TSPAN18: variants seen among roughly 807,000 people sequenced by gnomAD.
TSPAN18 encodes the protein tetraspanin-18.
A neutral mutation model predicts 27.3 loss-of-function variants in TSPAN18; 14 were observed. The observed-to-expected ratio is 0.51, with a 90% CI of 0.34 to 0.80. TSPAN18 has a LOEUF of 0.80. TSPAN18 is among the 30% of genes least tolerant of loss of function. TSPAN18 has a pLI of 0.01. For synonymous variants in TSPAN18, 143 were observed against 136.5 expected, an observed-to-expected ratio of 1.05 and a Z score of -0.33; for missense variants, 268 against 323.9, an observed-to-expected ratio of 0.83 and a Z score of 1.32.
chr11:44,896,572 G>T (rs750453925), intron 3 of TSPAN18, among the ~76,000 whole-genome samples: 1 of 152,092 alleles, frequency 6.6e-6, no homozygotes, highest in Non-Finnish European at 1.5e-5. Context: ...GCCAGCTCCC[G>T]GGGCTGTGGC....
In TSPAN18 at chr11:44,766,855, G is replaced by T. The variant is rs77676951; in HGVS notation, c.-153+2343G>T. On this transcript the variant is annotated intron_variant, in intron 2 of 9. Coordinates refer to ENST00000520358, the MANE Select transcript of TSPAN18 (RefSeq NM_130783.5). ...AGCTCTGCCCTTCAGTAGCTGTTTG[G>T]CTTGGGGGTGAGTGACTTGATCCCC... 4.4e-3 allele frequency among the ~76,000 whole-genome samples: 667 copies of T among 152,326 alleles called. 3 individuals carry two copies. Among genetic ancestry groups the T allele is most frequent in the Non-Finnish European group, 6.1e-3 (417 of 68,032 alleles).
At chr11:44,880,823 C>T (rs568667799) in intron 3 of TSPAN18, among the ~76,000 whole-genome samples, 39 of 152,350 alleles carry the variant, frequency 2.6e-4, no homozygotes, top group Admixed American at 2.4e-3. Context: ...CTGATTCCTC[C>T]GTGAGAGCCC....
At chr11:44,779,526 A>G (rs1439574911) in intron 2 of TSPAN18, among the ~76,000 whole-genome samples, 1 of 152,130 alleles carries the variant, frequency 6.6e-6, no homozygotes, top group Non-Finnish European at 1.5e-5. Context: ...GGTGAAATTC[A>G]TCAATCTCAT....
intron 2 of TSPAN18, among the ~76,000 whole-genome samples, chr11:44,804,353 A>T (rs571338698): frequency 6.6e-6 from 1 of 152,332 alleles, no homozygotes; most frequent in South Asian, 2.1e-4. Flanking sequence ...GGCCTCCCAA[A>T]GTGCTGGGAT....
intron 2 of TSPAN18, among the ~76,000 whole-genome samples, chr11:44,777,580 A>G (rs1172352441): frequency 1.3e-5 from 2 of 152,196 alleles, no homozygotes; most frequent in Non-Finnish European, 2.9e-5. Flanking sequence ...GCCCCTGGGT[A>G]GGGCTGGTTT....
In TSPAN18 at chr11:44,828,527, C is replaced by T. The variant is rs375953605; in HGVS notation, c.-152-31801C>T. Among the ~76,000 whole-genome samples the T allele has an allele frequency of 3.5e-4, 53 of 152,256 alleles. 2 individuals carry two copies. The South Asian group carries it at 9.3e-3, about 27-fold the overall frequency. On this transcript the variant is annotated intron_variant, in intron 2 of 9. Transcript: ENST00000520358. ...GCCATAAGCACTGCGGCAGGGGCCC[C>T]GGAAAGGTGGTCTGAGCTGAATGCA...
chr11:44,836,023 T>C lies in TSPAN18; in HGVS notation c.-152-24305T>C, dbSNP rs148854596. Among the ~76,000 whole-genome samples the C allele has an allele frequency of 1.5e-3, 229 of 152,276 alleles. 2 individuals are homozygous for C. Among genetic ancestry groups the C allele is most frequent in the African/African-American group, 5.3e-3 (220 of 41,540 alleles). On this transcript the variant is annotated intron_variant, in intron 2 of 9. Transcript: ENST00000520358. ...CTCTCCCTCTCCTTGGGCCTTCCTA[T>C]TTCCAACTACATAACAATATTGAAA... is the stretch of plus-strand genomic sequence containing the variant.
intron 2 of TSPAN18, among the ~76,000 whole-genome samples, chr11:44,814,462 C>T (rs1408811450): frequency 6.6e-6 from 1 of 152,156 alleles, no homozygotes; most frequent in African/African-American, 2.4e-5. Context: ...TTTCCAGCCA[C>T]ATGGTTTGAA....
At chr11:44,796,624 C>T (rs942879344) in intron 2 of TSPAN18, among the ~76,000 whole-genome samples, 2 of 152,094 alleles carry the variant, frequency 1.3e-5, no homozygotes, top group Non-Finnish European at 2.9e-5. Flanking sequence ...GACTACAGGT[C>T]TCCCCCTATC....
chr11:44,875,805 G>C (rs972287545), intron 3 of TSPAN18, among the ~76,000 whole-genome samples: 5 of 152,204 alleles, frequency 3.3e-5, no homozygotes. Flanking sequence ...AGATGAGCTA[G>C]GATTTATATA....
At chr11:44,832,852 A>G (rs558316677) in intron 2 of TSPAN18, among the ~76,000 whole-genome samples, 1 of 152,216 alleles carries the variant, frequency 6.6e-6, no homozygotes, top group South Asian at 2.1e-4. Flanking sequence ...GTGGCTCTCC[A>G]CTGCTGGTCT....
chr11:44,803,875 G>A (rs1434815383), intron 2 of TSPAN18, among the ~76,000 whole-genome samples: 1 of 152,174 alleles, frequency 6.6e-6, no homozygotes, highest in East Asian at 1.9e-4. Context: ...GGGCAAAAAT[G>A]TTATGATTCT....
chr11:44,778,847 G>A (rs1855872701), intron 2 of TSPAN18, among the ~76,000 whole-genome samples: 1 of 152,160 alleles, frequency 6.6e-6, no homozygotes, highest in African/African-American at 2.4e-5. Context: ...GGGCAGGGCT[G>A]TCTTGATTCT....
At position 44,931,319 on chromosome 11, in the gene TSPAN18, G is replaced by T. The variant is rs559749760; in HGVS notation, c.*2141G>T. On this transcript the variant is annotated 3_prime_UTR_variant, in exon 10 of 10. Coordinates refer to ENST00000520358, the MANE Select transcript of TSPAN18 (RefSeq NM_130783.5). ...AGAGGCAAATGGCTGGTCTGAGGAT[G>T]ACACACAAAAACAAAAACAAAAAAC... 3.1e-5 allele frequency: 6 copies of T among 190,866 alleles called. No homozygotes were observed. In the East Asian group the frequency reaches 9.2e-4, roughly 29 times the overall value. The allele number at this position is 190,866 out of a possible 1,614,324, so 11.8% of individuals were successfully genotyped here. A position where few individuals can be genotyped will look rare whatever the true frequency, so the allele number is the denominator to read the frequency against.
intron 2 of TSPAN18, among the ~76,000 whole-genome samples, chr11:44,768,099 C>T (rs1326072554): frequency 6.6e-6 from 1 of 152,168 alleles, no homozygotes; most frequent in East Asian, 1.9e-4. Context: ...TTTTGCTTCT[C>T]CAAATAAACC....
intron 1 of TSPAN18, among the ~76,000 whole-genome samples, chr11:44,744,741 C>T (rs1855031155): frequency 6.6e-6 from 1 of 152,120 alleles, no homozygotes; most frequent in African/African-American, 2.4e-5. Flanking sequence ...TCTTTCCCTG[C>T]TTCTCTTATA....
intron 5 of TSPAN18, chr11:44,917,721 T>G: frequency 1.9e-6 from 1 of 535,672 alleles, no homozygotes. Context: ...GGGGCCTCTC[T>G]AAGGGTACCA....
At chr11:44,746,268 C>G (rs1855075017) in intron 1 of TSPAN18, among the ~76,000 whole-genome samples, 1 of 152,110 alleles carries the variant, frequency 6.6e-6, no homozygotes, top group African/African-American at 2.4e-5. Flanking sequence ...CTCTGGGACT[C>G]CCAGCCTCTG....
intron 2 of TSPAN18, among the ~76,000 whole-genome samples, chr11:44,773,990 T>A (rs1768739891): frequency 6.6e-6 from 1 of 152,156 alleles, no homozygotes. Flanking sequence ...TCAGTCGGAC[T>A]CCCACCCTCA....
Sources: gnomAD v4.1 joint callset for allele counts (sites outside exome capture counted in the v4.1 genomes callset) on GRCh38, gnomAD v4.1.1 for gene constraint, MANE v1.5 for transcripts, NCBI Gene and HGNC (gene_info 2026-07-23, HGNC 2026-07-21) for gene names.